RABGAP1L: variants seen among roughly 807,000 people sequenced by gnomAD.
RABGAP1L encodes the protein rab GTPase-activating protein 1-like.
In RABGAP1L, 63 loss-of-function variants were observed where a neutral mutation model predicts 137.7. The ratio of observed to expected loss-of-function variants is 0.46; its 90% confidence interval spans 0.37 to 0.56. RABGAP1L has a LOEUF of 0.56. Among genes scored for constraint, RABGAP1L ranks in the 20% least tolerant of loss-of-function variants. The pLI, the probability that RABGAP1L is intolerant of heterozygous loss-of-function variation, is 0.00. For missense variants in RABGAP1L, 1,095 were observed against 1,244.0 expected, an observed-to-expected ratio of 0.88 and a Z score of 1.80; for synonymous variants, 431 against 433.7, an observed-to-expected ratio of 0.99 and a Z score of 0.08.
intron 7 of RABGAP1L, among the ~76,000 whole-genome samples, chr1:174,253,842 A>C (rs1193199682): frequency 6.6e-6 from 1 of 152,220 alleles, no homozygotes; most frequent in Non-Finnish European, 1.5e-5. Context: ...TTTGGCTTCA[A>C]GGAGCAAGGG....
intron 19 of RABGAP1L, among the ~76,000 whole-genome samples, chr1:174,941,299 G>GAATA (rs1223373883): frequency 6.6e-6 from 1 of 152,188 alleles, no homozygotes. Flanking sequence ...ACTGATAAGG[G>GAATA]AATACATAGT....
intron 13 of RABGAP1L, among the ~76,000 whole-genome samples, chr1:174,616,489 G>C (rs1055543955): frequency 3.9e-5 from 6 of 152,128 alleles, no homozygotes; most frequent in Non-Finnish European, 8.8e-5. Flanking sequence ...TCAGGCACCA[G>C]GGAAACAAAG....
intron 5 of RABGAP1L, among the ~76,000 whole-genome samples, chr1:174,242,483 A>G (rs1671908131): frequency 6.6e-6 from 1 of 152,250 alleles, no homozygotes; most frequent in African/African-American, 2.4e-5. Context: ...GCTGAAAGCA[A>G]TAGTTATTCT....
Position 174,278,783 on chromosome 1 carries a change from G to C in RABGAP1L, c.1323+4G>C, listed in dbSNP as rs373701905. On this transcript the variant is annotated splice_donor_region_variant and intron_variant, in intron 10 of 25. Coordinates refer to ENST00000681986, the MANE Select transcript of RABGAP1L (RefSeq NM_001366446.1). ...TTTCTTCATGAGATTGAAACAGGTA[G>C]GACCTTTTTGTTCTCTTCATATATA... is the stretch of plus-strand genomic sequence containing the variant. 44 of 1,522,330 alleles carry C rather than the reference G, an allele frequency of 2.9e-5. No individual in the cohort carries two copies. The highest frequency in any genetic ancestry group is 7.0e-5 in the Admixed American group (3 of 42,976). The allele number at this position is 1,522,330 out of a possible 1,614,324, so 94.3% of individuals were successfully genotyped here.
At chr1:174,525,920 G>A (rs1162269737) in intron 13 of RABGAP1L, among the ~76,000 whole-genome samples, 1 of 152,112 alleles carries the variant, frequency 6.6e-6, no homozygotes. Context: ...TTCTGTTGAT[G>A]TGATGTATCA....
intron 13 of RABGAP1L, among the ~76,000 whole-genome samples, chr1:174,398,656 A>G (rs1479877883): frequency 1.3e-5 from 2 of 152,154 alleles, no homozygotes; most frequent in East Asian, 3.8e-4. Flanking sequence ...CTCCATCTAT[A>G]TATTCTTGAC....
At position 174,456,706 on chromosome 1, in the gene RABGAP1L, G is replaced by A. The variant is rs1431108286; in HGVS notation, c.1710+62561G>A. 2.0e-5 allele frequency among the ~76,000 whole-genome samples: 3 copies of A among 152,056 alleles called. No individual in the cohort carries two copies. In the East Asian group the frequency reaches 5.8e-4, roughly 29 times the overall value. Reference sequence around the variant, plus strand: ...ACTCAAATTAGGCAAACACAAAATTGCCTTGTAAGTGTCCTTAGAGGAAAT... The same window carrying A: ...ACTCAAATTAGGCAAACACAAAATTACCTTGTAAGTGTCCTTAGAGGAAAT... On this transcript the variant is annotated intron_variant, in intron 13 of 25. Coordinates refer to ENST00000681986, the MANE Select transcript of RABGAP1L (RefSeq NM_001366446.1).
intron 16 of RABGAP1L, chr1:174,701,078 T>C: frequency 7.7e-7 from 1 of 1,303,614 alleles, no homozygotes; most frequent in South Asian, 1.2e-5. Flanking sequence ...CTTATTTTGT[T>C]TTTTATTCTT....
rs1245645884 is a variant in RABGAP1L at position 174,278,518 on chromosome 1, A to G, written c.1157-95A>G. 4 of 966,822 alleles carry G rather than the reference A, an allele frequency of 4.1e-6. No homozygotes were observed. The East Asian group carries it at 7.6e-5, about 18-fold the overall frequency. 59.9% of individuals were successfully genotyped at this position (966,822 alleles called of 1,614,324 possible). ...TAAACATAGAAGGTATTACAATTGTAAAGAACTTTAATTCTTTCATAAGTG... is the reference window on the plus strand; with the variant it reads ...TAAACATAGAAGGTATTACAATTGTGAAGAACTTTAATTCTTTCATAAGTG... On this transcript the variant is annotated intron_variant, in intron 9 of 25. Transcript: ENST00000681986.
intron 13 of RABGAP1L, among the ~76,000 whole-genome samples, chr1:174,396,461 A>G (rs1294833777): frequency 6.6e-6 from 1 of 152,008 alleles, no homozygotes; most frequent in Non-Finnish European, 1.5e-5. Flanking sequence ...ATATATTAGT[A>G]TAATAGCACT....
At chr1:174,651,577 T>G (rs1018801261) in intron 14 of RABGAP1L, among the ~76,000 whole-genome samples, 1 of 152,194 alleles carries the variant, frequency 6.6e-6, no homozygotes, top group Non-Finnish European at 1.5e-5. Flanking sequence ...TTGATCCCTT[T>G]ACCATTATGT....
chr1:174,616,366 GCAAA>G (rs1215635304), intron 13 of RABGAP1L, among the ~76,000 whole-genome samples: 1 of 152,234 alleles, frequency 6.6e-6, no homozygotes, highest in Non-Finnish European at 1.5e-5. Context: ...AAACTTCAAA[GCAAA>G]CATTTTAAAA....
At chr1:174,707,415 G>C (rs1344091990) in intron 17 of RABGAP1L, among the ~76,000 whole-genome samples, 2 of 152,164 alleles carry the variant, frequency 1.3e-5, no homozygotes, top group Non-Finnish European at 2.9e-5. Context: ...GCTTTTATGA[G>C]AGAAGTTACT....
intron 22 of RABGAP1L, among the ~76,000 whole-genome samples, chr1:174,978,384 G>A (rs1234532655): frequency 1.3e-5 from 2 of 152,168 alleles, no homozygotes; most frequent in South Asian, 2.1e-4. Flanking sequence ...GGTAACAGCA[G>A]TAAAGGTAGA....
intron 11 of RABGAP1L, among the ~76,000 whole-genome samples, chr1:174,348,062 G>C (rs1682617886): frequency 6.6e-6 from 1 of 151,656 alleles, no homozygotes; most frequent in Admixed American, 6.6e-5. Context: ...TTGTTTTCTT[G>C]TTGTTTTGTA....
chr1:174,787,634 G>A (rs2148787007), intron 18 of RABGAP1L, among the ~76,000 whole-genome samples: 1 of 152,296 alleles, frequency 6.6e-6, no homozygotes, highest in Admixed American at 6.5e-5. Context: ...CTTGTCTGAA[G>A]GATGTCTTGT....
At chr1:174,533,908 G>A (rs1248700280) in intron 13 of RABGAP1L, among the ~76,000 whole-genome samples, 1 of 152,132 alleles carries the variant, frequency 6.6e-6, no homozygotes, top group Non-Finnish European at 1.5e-5. Context: ...CTGACCTCAG[G>A]TGATCCACTC....
intron 14 of RABGAP1L, among the ~76,000 whole-genome samples, chr1:174,660,666 T>G (rs1316312068): frequency 6.6e-6 from 1 of 152,202 alleles, no homozygotes; most frequent in Non-Finnish European, 1.5e-5. Context: ...CCAGCCACAC[T>G]GCCAGCCTTG....
chr1:174,336,898 A>AG lies in RABGAP1L; in HGVS notation c.1465+31771_1465+31772insG, dbSNP rs772230044. Among the ~76,000 whole-genome samples the AG allele has an allele frequency of 9.5e-3, 1,383 of 144,924 alleles. 6 individuals carry two copies. The highest frequency in any genetic ancestry group is 0.031 in the Middle Eastern group (9 of 288). On this transcript the variant is annotated intron_variant, in intron 11 of 25. Coordinates refer to ENST00000681986, the MANE Select transcript of RABGAP1L (RefSeq NM_001366446.1). ...GTGTGTGTGTGTGAGAGAGAGAGAGAAAGAGAGAGAAAGAATGGAGGAGGA... is the reference window on the plus strand; with the variant it reads ...GTGTGTGTGTGTGAGAGAGAGAGAGAGAAGAGAGAGAAAGAATGGAGGAGGA...
Sources: gnomAD v4.1 joint callset for allele counts (sites outside exome capture counted in the v4.1 genomes callset) on GRCh38, gnomAD v4.1.1 for gene constraint, MANE v1.5 for transcripts, NCBI Gene and HGNC (gene_info 2026-07-23, HGNC 2026-07-21) for gene names.